The following SLC20A2 variants were observed in gnomAD, a reference collection of about 807,000 sequenced individuals.
The protein encoded by SLC20A2 is solute carrier family 20 member 2, also known as sodium-dependent phosphate transporter 2.
Under a neutral mutation model 61.0 loss-of-function variants are expected in SLC20A2, and 30 were observed. The ratio of observed to expected loss-of-function variants is 0.49; its 90% CI spans 0.37 to 0.67. SLC20A2 has a LOEUF of 0.67. Among genes scored for constraint, SLC20A2 ranks in the 30% least tolerant of loss-of-function variants. The probability of loss-of-function intolerance (pLI) is 0.00; values close to 1 mark genes in which losing one functional copy is unlikely to be tolerated. For missense variants in SLC20A2, 626 were observed against 866.4 expected, an observed-to-expected ratio of 0.72 and a Z score of 3.48; for synonymous variants, 351 against 353.3, an observed-to-expected ratio of 0.99 and a Z score of 0.07.
chr8:42,456,241 G>C (rs1304363157), intron 5 of SLC20A2, among the ~76,000 whole-genome samples: 1 of 152,098 alleles, frequency 6.6e-6, no homozygotes, highest in African/African-American at 2.4e-5. Context: ...GAAGAATAGA[G>C]GGTAGAAAAA....
At chr8:42,479,598 G>A (rs1362350441) in intron 1 of SLC20A2, among the ~76,000 whole-genome samples, 1 of 152,114 alleles carries the variant, frequency 6.6e-6, no homozygotes, top group African/African-American at 2.4e-5. Context: ...GCCTGAGGTG[G>A]GACCATCACT....
chr8:42,451,568 A>G (rs1554553747), intron 5 of SLC20A2, among the ~76,000 whole-genome samples: 1 of 131,618 alleles, frequency 7.6e-6, no homozygotes, highest in African/African-American at 2.9e-5. Context: ...AGGAAGAGGA[A>G]GAGATGAAGA....
chr8:42,459,935 C>T lies in SLC20A2; in HGVS notation c.574G>A (p.Ala192Thr). Residue 192 changes from alanine (A) to threonine (T), a missense_variant, in exon 5 of 11, where the codon GCA (alanine) becomes ACA (threonine). Physicochemically the swap from Ala to Thr is moderately conservative, Grantham distance 58 (BLOSUM62 0). This residue lies in a region of SLC20A2 where 361 missense variants were observed against 422.3 expected (regional missense o/e 0.85). Transcript: ENST00000520262. ...TACATGATGGAAAAGACATTGATTG[C>T]TATGGTAGCAGCATAGAATACTGGG... ...ALPVFYAATIAINVFSIMYTG... is the reference protein window; with the variant it reads ...ALPVFYAATITINVFSIMYTG... 1 of 1,613,532 alleles carries T rather than the reference C, an allele frequency of 6.2e-7. No individual in the cohort carries two copies. Among genetic ancestry groups the T allele is most frequent in the African/African-American group, 1.3e-5 (1 of 75,010 alleles).
intron 1 of SLC20A2, among the ~76,000 whole-genome samples, chr8:42,533,787 C>T (rs888682981): frequency 6.6e-6 from 1 of 150,418 alleles, no homozygotes; most frequent in African/African-American, 2.4e-5. Flanking sequence ...AGCCTCCTGA[C>T]TAGCTGGATT....
intron 5 of SLC20A2, among the ~76,000 whole-genome samples, chr8:42,453,293 A>G (rs1805888463): frequency 6.6e-6 from 1 of 152,222 alleles, no homozygotes; most frequent in Non-Finnish European, 1.5e-5. Flanking sequence ...TATTTCCTAA[A>G]GTTATTTTTT....
chr8:42,526,184 G>C (rs1356935239), intron 1 of SLC20A2, among the ~76,000 whole-genome samples: 1 of 152,128 alleles, frequency 6.6e-6, no homozygotes, highest in African/African-American at 2.4e-5. Flanking sequence ...GAGTCATGTT[G>C]ACTGTATATA....
intron 1 of SLC20A2, among the ~76,000 whole-genome samples, chr8:42,533,651 GTTC>G (rs1812493371): frequency 2.2e-5 from 2 of 89,736 alleles, no homozygotes; most frequent in Admixed American, 2.7e-4. Flanking sequence ...ATGATCAACT[GTTC>G]TTTTTTTTTT....
Position 42,465,852 on chromosome 8 carries a change from C to A in SLC20A2, c.355G>T (p.Val119Leu). 6.2e-7 allele frequency: 1 copy of A among 1,614,016 alleles called. No individual in the cohort carries two copies. The highest frequency in any genetic ancestry group is 8.5e-7 in the Non-Finnish European group (1 of 1,179,946). Residue 119 changes from valine to leucine, a missense_variant, in exon 3 of 11, where the codon GTG (valine) becomes TTG (leucine). Physicochemically the swap from Val to Leu is conservative, Grantham distance 32 (BLOSUM62 1). Transcript: ENST00000520262. ...AGTGAGAATCCTATAGTAGAACCCA[C>A]AATGCAGTGCGTTCCTGAGATTGGA... ...RLPISGTHCI[V>L]GSTIGFSLVA...
At chr8:42,466,325 A>T (rs1406299208) in intron 2 of SLC20A2, among the ~76,000 whole-genome samples, 1 of 152,172 alleles carries the variant, frequency 6.6e-6, no homozygotes, top group Non-Finnish European at 1.5e-5. Context: ...ACCTCAAGTG[A>T]TCTACCCGCC....
chr8:42,470,619 G>A (rs974994855), intron 2 of SLC20A2, among the ~76,000 whole-genome samples: 4 of 152,074 alleles, frequency 2.6e-5, no homozygotes, highest in Non-Finnish European at 5.9e-5. Flanking sequence ...CAGACGCCTC[G>A]AACAACATGA....
At chr8:42,456,642 G>T (rs894940608) in intron 5 of SLC20A2, among the ~76,000 whole-genome samples, 1 of 147,520 alleles carries the variant, frequency 6.8e-6, no homozygotes. Context: ...TGAGGCAAGA[G>T]AATTGCTTGA....
chr8:42,527,260 C>T (rs1019334585), intron 1 of SLC20A2, among the ~76,000 whole-genome samples: 7 of 151,372 alleles, frequency 4.6e-5, no homozygotes, highest in South Asian at 2.1e-4. Context: ...AAAAATTAGC[C>T]GGGTGTGGTG....
At chr8:42,464,116 T>TTTTTTTTTTTTTTTTTTTTTTTTTTTTTC in intron 3 of SLC20A2, among the ~76,000 whole-genome samples, 1 of 99,226 alleles carries the variant, frequency 1.0e-5, no homozygotes, top group Non-Finnish European at 2.1e-5. Context: ...TTTTTTTTTT[T>TTTTTTTTTTTTTTTTTTTTTTTTTTTTTC]TTTTTTTGAG....
chr8:42,487,290 G>C (rs1809103947), intron 1 of SLC20A2, among the ~76,000 whole-genome samples: 2 of 149,676 alleles, frequency 1.3e-5, no homozygotes, highest in Non-Finnish European at 2.9e-5. Context: ...CCATTCTCCT[G>C]CCTCAGCCTC....
intron 1 of SLC20A2, among the ~76,000 whole-genome samples, chr8:42,482,412 C>T (rs1453659398): frequency 6.6e-6 from 1 of 152,082 alleles, no homozygotes; most frequent in Non-Finnish European, 1.5e-5. Flanking sequence ...GTGGTTCATG[C>T]CTCCAATCCC....
upstream of SLC20A2, among the ~76,000 whole-genome samples, chr8:42,503,889 G>A (rs1315403362): frequency 6.6e-6 from 1 of 152,172 alleles, no homozygotes; most frequent in Non-Finnish European, 1.5e-5. Flanking sequence ...GGGCATATAG[G>A]ATGAAAAACG....
chr8:42,526,365 A>AT (rs1275729624), intron 1 of SLC20A2, among the ~76,000 whole-genome samples: 1 of 152,138 alleles, frequency 6.6e-6, no homozygotes, highest in South Asian at 2.1e-4. Flanking sequence ...TAAAAAAAAA[A>AT]AAAGAAGTCT....
intron 2 of SLC20A2, among the ~76,000 whole-genome samples, chr8:42,470,093 G>A (rs1045379057): frequency 2.0e-5 from 3 of 151,756 alleles, no homozygotes; most frequent in African/African-American, 4.8e-5. Flanking sequence ...TACAAAGAAC[G>A]GTTATTTTTC....
Position 42,483,872 on chromosome 8 carries a change from C to A in SLC20A2, c.-264-11218G>T, listed in dbSNP as rs182283155. On this transcript the variant is annotated intron_variant, in intron 1 of 10. Transcript: ENST00000520262. ...CCTTCAGAGACAGTTTAAAATGGAA[C>A]CATGTATGAAAATAGATATGGCTCT... 1.3e-5 allele frequency among the ~76,000 whole-genome samples: 2 copies of A among 152,230 alleles called. 1 individual carries two copies. The highest frequency in any genetic ancestry group is 3.9e-4 in the East Asian group (2 of 5,190).
Sources: allele counts gnomAD v4.1 joint callset (sites outside exome capture counted in the v4.1 genomes callset), GRCh38; gene constraint gnomAD v4.1.1; regional missense constraint gnomAD v4.1.1; transcripts MANE v1.5; gene names NCBI Gene and HGNC (gene_info 2026-07-23, HGNC 2026-07-21).